LMAN1L: variants seen among roughly 807,000 people sequenced by gnomAD.
LMAN1L encodes the protein lectin, mannose binding 1 like.
In LMAN1L, 60 loss-of-function variants were observed where a neutral mutation model predicts 58.3. The observed-to-expected ratio is 1.03, with a 90% CI of 0.84 to 1.27. The LOEUF (loss-of-function observed/expected upper bound fraction) is 1.27, where lower values mean the gene tolerates loss of function less well. Ranked by LOEUF, LMAN1L falls within the 50% of genes most tolerant of loss-of-function variation. The pLI is 0.00. For synonymous variants in LMAN1L, 280 were observed against 271.6 expected (o/e 1.03, Z -0.31); for missense variants, 629 against 674.0 (o/e 0.93, Z 0.74).
At chr15:74,814,366 G>GTTTTTT (rs781652776) in intron 1 of LMAN1L, among the ~76,000 whole-genome samples, 2 of 71,414 alleles carry the variant, frequency 2.8e-5, no homozygotes, top group African/African-American at 4.1e-5. Context: ...GCTAATTTTT[G>GTTTTTT]TTTTTGTTTT....
intron 6 of LMAN1L, chr15:74,819,503 T>A: frequency 1.8e-6 from 1 of 552,986 alleles, no homozygotes; most frequent in Non-Finnish European, 3.1e-6. Flanking sequence ...TAGCTGTGAG[T>A]TGCGGGACAA....
At chr15:74,825,367 C>T (rs1441489944) in intron 13 of LMAN1L, 109 bp from the exon 14 acceptor site, 22 of 1,203,426 alleles carry the variant, frequency 1.8e-5, no homozygotes, top group Admixed American at 6.3e-5. Context: ...CCAAGAACAG[C>T]GGAGGTTGTG....
chr15:74,816,342 G>T (rs201549948), intron 2 of LMAN1L, 31 bp downstream of exon 2: 2 of 1,608,236 alleles, frequency 1.2e-6, no homozygotes, highest in South Asian at 1.1e-5. Context: ...CTGACAGAGC[G>T]GGGTGGGTCA....
In LMAN1L at chr15:74,821,240, CA is replaced by C. The variant is rs1203915497; in HGVS notation, c.1059+15del. ...GACGGAGGCTGGGTGAGAAGCCCTA[CA>C]GGCATCCAAGGCTCCACCTGCGGGC... is the stretch of plus-strand genomic sequence containing the variant. On this transcript the variant is annotated intron_variant, in intron 9 of 13. Coordinates refer to ENST00000309664, the MANE Select transcript of LMAN1L (RefSeq NM_021819.3). 20 of 1,547,858 alleles carry C rather than the reference CA, an allele frequency of 1.3e-5. No homozygotes were observed. Among genetic ancestry groups the C allele is most frequent in the Non-Finnish European group, 1.7e-5 (20 of 1,146,474 alleles).
At chr15:74,823,820 T>G in intron 12 of LMAN1L, 138 bp downstream of exon 12, 1 of 976,544 alleles carries the variant, frequency 1.0e-6, no homozygotes, top group Non-Finnish European at 1.5e-6. Flanking sequence ...AGCACATCTG[T>G]GCCTGCGTCA....
rs565882150 is a variant in LMAN1L, at chr15:74,821,252, G to T, written c.1059+26G>T. On this transcript the variant is annotated intron_variant, in intron 9 of 13. Coordinates refer to ENST00000309664, the MANE Select transcript of LMAN1L (RefSeq NM_021819.3). ...GTGAGAAGCCCTACAGGCATCCAAG[G>T]CTCCACCTGCGGGCCTGAAAGAGGA... 5.2e-6 allele frequency: 8 copies of T among 1,545,928 alleles called. No individual in the cohort carries two copies. In the East Asian group the frequency reaches 1.2e-4, roughly 24 times the overall value.
intron 6 of LMAN1L, chr15:74,819,756 A>G: frequency 1.8e-6 from 1 of 542,072 alleles, no homozygotes. Context: ...GGGGCCTAAG[A>G]GTGTCAGATG....
At chr15:74,820,196 T>G in intron 7 of LMAN1L, 97 bp downstream of exon 7, 4 of 1,100,970 alleles carry the variant, frequency 3.6e-6, no homozygotes, top group Non-Finnish European at 5.6e-6. Flanking sequence ...AGCCCTTACC[T>G]CCACCTGGCC....
intron 4 of LMAN1L, among the ~76,000 whole-genome samples, chr15:74,818,400 A>G (rs538030295): frequency 6.6e-6 from 1 of 152,286 alleles, no homozygotes; most frequent in African/African-American, 2.4e-5. Flanking sequence ...GCTGGATTCC[A>G]ACTGCCCACA....
intron 4 of LMAN1L, among the ~76,000 whole-genome samples, chr15:74,817,059 C>A (rs1269324392): frequency 6.6e-6 from 1 of 152,170 alleles, no homozygotes; most frequent in Admixed American, 6.5e-5. Context: ...CCCAGACTTA[C>A]CCCTGGAGGG....
chr15:74,814,959 C>T (rs1394174809), intron 1 of LMAN1L, among the ~76,000 whole-genome samples: 1 of 152,242 alleles, frequency 6.6e-6, no homozygotes, highest in African/African-American at 2.4e-5. Flanking sequence ...ACTTATACAA[C>T]ACTCACTGCT....
intron 11 of LMAN1L, 46 bp downstream of exon 11, chr15:74,822,755 T>G (rs2063923053): frequency 7.0e-7 from 1 of 1,427,172 alleles, no homozygotes; most frequent in African/African-American, 1.4e-5. Flanking sequence ...TTTCTCCGCC[T>G]TAAGTTCCTC....
In LMAN1L at chr15:74,821,118, C is replaced by T. The variant is rs375467790; in HGVS notation, c.951C>T (p.Arg317=). 6.4e-7 allele frequency: 1 copy of T among 1,569,176 alleles called. No homozygotes were observed. Among genetic ancestry groups the T allele is most frequent in the East Asian group, 2.3e-5 (1 of 43,196 alleles). The change falls in exon 9 of 14, where the codon CGC becomes CGT. Residue 317 remains arginine (R), a synonymous_variant. Transcript: ENST00000309664. The stretch of plus-strand genomic sequence containing the variant: ...TGGAGGAGACGCTGGGCAGACACCG[C>T]CGGATCCTGCAGGCTCTGCGGGGTC... ...FDLEETLGRH[R]RILQALRGLS...
Position 74,825,558 on chromosome 15 carries a change from C to G in LMAN1L, c.1534C>G (p.Leu512Val), listed in dbSNP as rs200473783. ...LGPAPHTPRALGILRRQPLPA... is the reference protein window; with the variant it reads ...LGPAPHTPRAVGILRRQPLPA... ...TCCTGCACCACACACCCCCAGGGCC[C>G]TGGGGATTCTGAGGAGGCAGCCTCT... The change falls in exon 14 of 14, where the codon CTG (leucine) becomes GTG (valine). Residue 512 changes from leucine (L) to valine (V), a missense_variant. Transcript: ENST00000309664. The G allele has an allele frequency of 1.9e-6, 3 of 1,613,280 alleles. No individual in the cohort carries two copies. Among genetic ancestry groups the G allele is most frequent in the Admixed American group, 1.7e-5 (1 of 59,994 alleles).
At chr15:74,813,191 C>T in intron 1 of LMAN1L, 162 bp downstream of exon 1, 1 of 722,330 alleles carries the variant, frequency 1.4e-6, no homozygotes, top group South Asian at 1.7e-5. Context: ...AGGCTTGTCT[C>T]CTGCTCCACC....
chr15:74,819,266 C>G lies in LMAN1L; in HGVS notation c.712C>G (p.Leu238Val). ...TGGGGTCTCAGCAGCCACCGGCACCCTGGCAGGTGAGGATCCCACTGGACA... is the reference window on the plus strand; with the variant it reads ...TGGGGTCTCAGCAGCCACCGGCACCGTGGCAGGTGAGGATCCCACTGGACA... ...FFGVSAATGT[L>V]ADDHDVLSFL... Residue 238 changes from leucine (L) to valine (V), a missense_variant, in exon 6 of 14, where the codon CTG (leucine) becomes GTG (valine). Leu to Val is a conservative substitution (Grantham distance 32). This residue lies in a region of LMAN1L where 573 missense variants were observed against 597.3 expected (regional missense o/e 0.96). Transcript: ENST00000309664. 6.2e-7 allele frequency: 1 copy of G among 1,614,116 alleles called. No homozygotes were observed. Among genetic ancestry groups the G allele is most frequent in the Non-Finnish European group, 8.5e-7 (1 of 1,179,970 alleles).
intron 1 of LMAN1L, 91 bp from the exon 2 acceptor site, chr15:74,816,061 CCTTCT>C (rs2063888543): frequency 7.0e-7 from 1 of 1,426,902 alleles, no homozygotes; most frequent in African/African-American, 1.4e-5. Context: ...GGCATTGTCG[CCTTCT>C]CTTCCGGGAG....
chr15:74,818,840 G>A (rs372225208), intron 5 of LMAN1L, 23 bp downstream of exon 5: 2 of 1,579,862 alleles, frequency 1.3e-6, no homozygotes, highest in South Asian at 2.3e-5. Context: ...TCCTGCTTCT[G>A]ACAGGGCTCT....
At chr15:74,815,327 C>T (rs1567223198) in intron 1 of LMAN1L, among the ~76,000 whole-genome samples, 1 of 152,214 alleles carries the variant, frequency 6.6e-6, no homozygotes, top group Non-Finnish European at 1.5e-5. Context: ...CTGGCAGAGT[C>T]TGGGCCCTGG....
Sources: allele counts gnomAD v4.1 joint callset (sites outside exome capture counted in the v4.1 genomes callset), GRCh38; gene constraint gnomAD v4.1.1; regional missense constraint gnomAD v4.1.1; transcripts MANE v1.5; gene names NCBI Gene and HGNC (gene_info 2026-07-23, HGNC 2026-07-21).